Variants in HIPK1 observed in about 807,000 individuals in gnomAD.
HIPK1 encodes homeodomain interacting protein kinase 1.
A neutral mutation model predicts 117.1 loss-of-function variants in HIPK1; 28 were observed. The observed-to-expected ratio is 0.24, with a 90% CI of 0.18 to 0.33. The LOEUF is 0.33. Ranked by LOEUF, HIPK1 falls within the 10% of genes least tolerant of loss-of-function variation. HIPK1 has a pLI of 1.00. For missense variants in HIPK1, 1,122 were observed against 1,475.1 expected (o/e 0.76, Z 3.92); for synonymous variants, 605 against 562.5 (o/e 1.08, Z -1.07).
chr1:113,967,948 A>C lies in HIPK1; in HGVS notation c.2564A>C (p.Lys855Thr). 2 of 1,603,032 alleles carry C rather than the reference A, an allele frequency of 1.2e-6. No homozygotes were observed. Among genetic ancestry groups the C allele is most frequent in the Non-Finnish European group, 1.7e-6 (2 of 1,177,498 alleles). ...AAGCAGTCAGCTCCAGTCTCTTCCA[A>C]GTGAGTCTGTGTTACAGCTGATAGT... ...KNKQSAPVSS[K>T]SSLDVLPSQV... is the part of the protein sequence containing the mutation. Residue 855 changes from lysine to threonine, a missense_variant and splice_region_variant, in exon 12 of 16, where the codon AAG becomes ACG. Lys to Thr is a moderately conservative substitution (Grantham distance 78, BLOSUM62 -1). Transcript: ENST00000426820.
chr1:113,951,495 T>C (rs1671360520), intron 2 of HIPK1, among the ~76,000 whole-genome samples: 1 of 152,230 alleles, frequency 6.6e-6, no homozygotes, highest in Non-Finnish European at 1.5e-5. Context: ...TATAAACGTC[T>C]GAGTTATGGA....
chr1:113,948,926 C>G (rs1671163358), intron 2 of HIPK1, among the ~76,000 whole-genome samples: 1 of 152,074 alleles, frequency 6.6e-6, no homozygotes, highest in Non-Finnish European at 1.5e-5. Flanking sequence ...CAACCTCTGC[C>G]CCCCGGGTTC....
chr1:113,958,436 G>T, intron 8 of HIPK1, 145 bp downstream of exon 8: 2 of 606,836 alleles, frequency 3.3e-6, no homozygotes, highest in South Asian at 2.1e-5. Context: ...ATCACAAAAT[G>T]GATTTTCTCT....
At chr1:113,954,837 A>G in intron 4 of HIPK1, 67 bp downstream of exon 4, 1 of 1,377,072 alleles carries the variant, frequency 7.3e-7, no homozygotes, top group Non-Finnish European at 1.0e-6. Context: ...TTGAATTCAA[A>G]GTTTAGTTAT....
intron 1 of HIPK1, among the ~76,000 whole-genome samples, chr1:113,938,962 A>ACACACACT (rs1670457296): frequency 6.9e-6 from 1 of 144,248 alleles, no homozygotes; most frequent in African/African-American, 2.5e-5. Flanking sequence ...ACACACACAC[A>ACACACACT]CTTAGGAGAT....
intron 2 of HIPK1, among the ~76,000 whole-genome samples, chr1:113,942,391 G>A (rs1571664576): frequency 6.6e-6 from 1 of 152,286 alleles, no homozygotes; most frequent in East Asian, 1.9e-4. Flanking sequence ...AATACACAAA[G>A]ATATTTACTT....
intron 10 of HIPK1, among the ~76,000 whole-genome samples, chr1:113,964,009 T>C (rs1223753388): frequency 6.6e-6 from 1 of 152,254 alleles, no homozygotes; most frequent in Admixed American, 6.5e-5. Flanking sequence ...TCTAAAACTT[T>C]TCTGCATGTG....
intron 8 of HIPK1, 81 bp downstream of exon 8, chr1:113,958,372 C>CCTG: frequency 1.1e-6 from 1 of 938,078 alleles, no homozygotes; most frequent in South Asian, 1.6e-5. Flanking sequence ...TAGTTCTGAT[C>CCTG]TTTACAAGTT....
At chr1:113,966,345 A>G in intron 11 of HIPK1, 73 bp downstream of exon 11, 1 of 1,371,514 alleles carries the variant, frequency 7.3e-7, no homozygotes. Flanking sequence ...GGTAATAAGG[A>G]GAGAGACTAG....
Position 113,970,209 on chromosome 1 carries a change from C to G in HIPK1, c.3013+12C>G. The G allele has an allele frequency of 1.2e-6, 2 of 1,613,136 alleles. No homozygotes were observed. The highest frequency in any genetic ancestry group is 4.5e-5 in the East Asian group (2 of 44,864). On this transcript the variant is annotated intron_variant, in intron 14 of 15. Coordinates refer to ENST00000426820, the MANE Select transcript of HIPK1 (RefSeq NM_198268.3). ...AACCCAGGCCTCAGGTCAGTGTTAT[C>G]TTCACAGCTTGAGTTGAATTCTCCT...
intron 1 of HIPK1, among the ~76,000 whole-genome samples, chr1:113,932,561 T>G (rs1175028050): frequency 1.3e-5 from 2 of 151,864 alleles, no homozygotes; most frequent in Non-Finnish European, 2.9e-5. Context: ...GTATTTTTAG[T>G]AGAGATAGGG....
At position 113,973,065 on chromosome 1, in the gene HIPK1, C is replaced by T; in HGVS notation, c.3186C>T (p.Ser1062=). 6.6e-7 allele frequency: 1 copy of T among 1,524,310 alleles called. No homozygotes were observed. The highest frequency in any genetic ancestry group is 8.8e-7 in the Non-Finnish European group (1 of 1,137,300). 94.4% of individuals were successfully genotyped at this position (1,524,310 alleles called of 1,614,324 possible). A position where few individuals can be genotyped will look rare whatever the true frequency, so the allele number is the denominator to read the frequency against. ...CGGCTCCAACCTCACAGGAGAGAAG[C>T]AGCAACCCAGCCCCCCGCAGGCAGC... ...SSAAPTSQER[S]SNPAPRRQQA... Residue 1062 remains serine (S), a synonymous_variant, in exon 16 of 16, where the codon AGC becomes AGT. Coordinates refer to ENST00000426820, the MANE Select transcript of HIPK1 (RefSeq NM_198268.3).
At position 113,938,959 on chromosome 1, in the gene HIPK1, C is replaced by CACACAT. The variant is rs1670456384; in HGVS notation, c.-2-1419_-2-1418insATACAC. On this transcript the variant is annotated intron_variant, in intron 1 of 15. Transcript: ENST00000426820. Reference sequence around the variant, plus strand: ...ACACACACACACACACACACACACACACACTTAGGAGATGGAATGGATAAG... The same window carrying CACACAT: ...ACACACACACACACACACACACACACACACATACACTTAGGAGATGGAATGGATAAG... 1.0e-4 allele frequency among the ~76,000 whole-genome samples: 14 copies of CACACAT among 140,528 alleles called. No individual in the cohort carries two copies. In the Admixed American group the frequency reaches 1.0e-3, roughly 10 times the overall value. The allele number at this position is 140,528 out of a possible 152,430, so 92.2% of individuals were successfully genotyped here.
At position 113,971,938 on chromosome 1, in the gene HIPK1, C is replaced by T. The variant is rs866443723; in HGVS notation, c.3128C>T (p.Pro1043Leu). ...AQRGGTSAAQ[P>L]LNLSQNQQSS... ...CGCGGGGGGACCAGTGCAGCACAACCACTCAATCTTAGCCAGGTAAGTGCT... is the reference window on the plus strand; with the variant it reads ...CGCGGGGGGACCAGTGCAGCACAACTACTCAATCTTAGCCAGGTAAGTGCT... The change falls in exon 15 of 16, where the codon CCA becomes CTA. Residue 1043 changes from proline (P) to leucine (L), a missense_variant. Pro to Leu is a moderately conservative substitution (Grantham distance 98). Around this residue, in one of 6 missense-constraint regions of HIPK1, gnomAD observed 731 missense variants for 860.4 expected, o/e 0.85. Coordinates refer to ENST00000426820, the MANE Select transcript of HIPK1 (RefSeq NM_198268.3). The T allele has an allele frequency of 3.1e-6, 5 of 1,610,614 alleles. No individual in the cohort carries two copies. In the Admixed American group the frequency reaches 5.1e-5, roughly 16 times the overall value.
chr1:113,964,650 T>A (rs1359040456), intron 10 of HIPK1, among the ~76,000 whole-genome samples: 1 of 152,260 alleles, frequency 6.6e-6, no homozygotes. Context: ...TTGGTTGGAA[T>A]TTGGTTTTCA....
chr1:113,969,851 G>A (rs1672702670), intron 13 of HIPK1, 105 bp from the exon 14 acceptor site: 17 of 1,281,256 alleles, frequency 1.3e-5, no homozygotes, highest in Admixed American at 1.8e-5. Context: ...AGGTCGCAGC[G>A]AGCTGTGATC....
chr1:113,929,840 G>A (rs1189520060), intron 1 of HIPK1: 5 of 987,322 alleles, frequency 5.1e-6, no homozygotes, highest in East Asian at 1.1e-4. Context: ...CGGCTCGCGC[G>A]GGGGGTATGA....
At chr1:113,957,331 A>C (rs1194899424) in intron 7 of HIPK1, 45 bp downstream of exon 7, 1 of 1,503,618 alleles carries the variant, frequency 6.7e-7, no homozygotes, top group African/African-American at 1.4e-5. Context: ...AGTGGGATAG[A>C]AACTAGTAAG....
At chr1:113,962,547 A>G in intron 9 of HIPK1, 109 bp downstream of exon 9, 1 of 1,102,930 alleles carries the variant, frequency 9.1e-7, no homozygotes, top group Non-Finnish European at 1.3e-6. Context: ...TTTCTTGGTC[A>G]TGATTCAGTG....
Sources: allele counts gnomAD v4.1 joint callset (sites outside exome capture counted in the v4.1 genomes callset), GRCh38; gene constraint gnomAD v4.1.1; regional missense constraint gnomAD v4.1.1; transcripts MANE v1.5; gene names NCBI Gene and HGNC (gene_info 2026-07-23, HGNC 2026-07-21).